Variants in LAMA1 observed in about 807,000 individuals in gnomAD.
LAMA1 encodes the protein laminin subunit alpha-1.
Under a neutral mutation model 348.7 loss-of-function variants are expected in LAMA1, and 219 were observed. The observed-to-expected ratio is 0.63, with a 90% confidence interval of 0.56 to 0.70. The LOEUF is 0.70. LAMA1 is among the 30% of genes least tolerant of loss of function. The probability of loss-of-function intolerance (pLI) is 0.00; values close to 1 mark genes in which losing one functional copy is unlikely to be tolerated. For missense variants in LAMA1, 3,744 were observed against 3,888.0 expected (o/e 0.96, Z 0.99); for synonymous variants, 1,487 against 1,491.0 (o/e 1.00, Z 0.06).
intron 3 of LAMA1, among the ~76,000 whole-genome samples, chr18:7,053,917 T>G (rs899060146): frequency 6.6e-6 from 1 of 151,836 alleles, no homozygotes; most frequent in African/African-American, 2.4e-5. Context: ...CAGAGTGGCA[T>G]GCAGCACCAC....
intron 52 of LAMA1, 84 bp from the exon 53 acceptor site, chr18:6,961,843 A>G: frequency 1.9e-6 from 3 of 1,578,126 alleles, no homozygotes; most frequent in South Asian, 1.1e-5. Flanking sequence ...TGATTTCCCC[A>G]TCATCTCTTT....
At chr18:6,949,379 C>T (rs769507167) in intron 58 of LAMA1, 120 bp from the exon 59 acceptor site, 16 of 1,004,188 alleles carry the variant, frequency 1.6e-5, no homozygotes, top group Non-Finnish European at 2.3e-5. Context: ...GAATGCAATG[C>T]TAAAGGAAGG....
In LAMA1 at chr18:6,999,541, G is replaced by C; in HGVS notation, c.4567C>G (p.Arg1523Gly). 6.2e-7 allele frequency: 1 copy of C among 1,614,078 alleles called. No individual in the cohort carries two copies. The highest frequency in any genetic ancestry group is 8.5e-7 in the Non-Finnish European group (1 of 1,180,004). The change falls in exon 32 of 63, where the codon CGC becomes GGC. Residue 1523 changes from arginine (R) to glycine (G), a missense_variant. Around this residue, in one of 3 missense-constraint regions of LAMA1, gnomAD observed 1,983 missense variants for 1,934.3 expected, o/e 1.03. Coordinates refer to ENST00000389658, the MANE Select transcript of LAMA1 (RefSeq NM_005559.4). Reference sequence around the variant, plus strand: ...CTGCAAACGCACTGCCCAGATGTGCGGTCACAGTCACCGTGGACAGAGCCG... The same window carrying C: ...CTGCAAACGCACTGCCCAGATGTGCCGTCACAGTCACCGTGGACAGAGCCG... ...PHGSVHGDCD[R>G]TSGQCVCRLG...
chr18:7,063,994 G>T (rs1299937747), intron 3 of LAMA1, among the ~76,000 whole-genome samples: 1 of 151,988 alleles, frequency 6.6e-6, no homozygotes, highest in African/African-American at 2.4e-5. Context: ...GGTTAAAATG[G>T]CTCCCACTGC....
chr18:7,067,286 T>C (rs2058126360), intron 3 of LAMA1, among the ~76,000 whole-genome samples: 1 of 150,918 alleles, frequency 6.6e-6, no homozygotes, highest in South Asian at 2.1e-4. Context: ...AGTGGATAAA[T>C]AAATGTTGCT....
At chr18:7,033,487 A>G (rs1248259336) in intron 14 of LAMA1, among the ~76,000 whole-genome samples, 1 of 151,938 alleles carries the variant, frequency 6.6e-6, no homozygotes, top group Non-Finnish European at 1.5e-5. Flanking sequence ...AATCCAATAA[A>G]AGGGTGATGT....
intron 1 of LAMA1, among the ~76,000 whole-genome samples, chr18:7,095,767 T>C (rs539369250): frequency 3.7e-4 from 57 of 152,358 alleles, no homozygotes; most frequent in African/African-American, 1.2e-3. Context: ...TCCAGTTAAA[T>C]AGCTTGAAAA....
chr18:7,000,134 A>C, intron 30 of LAMA1, 137 bp from the exon 31 acceptor site: 1 of 675,674 alleles, frequency 1.5e-6, no homozygotes, highest in South Asian at 1.7e-5. Flanking sequence ...TAGAGCTTAC[A>C]ATCTACCTGG....
At chr18:7,006,279 C>T (rs559110168) in intron 29 of LAMA1, among the ~76,000 whole-genome samples, 9 of 152,220 alleles carry the variant, frequency 5.9e-5, no homozygotes, top group South Asian at 2.1e-4. Flanking sequence ...CATGTGTCCC[C>T]GAGACCAATC....
Position 6,971,977 on chromosome 18 carries a change from G to C in LAMA1, c.6779C>G (p.Ser2260Cys), listed in dbSNP as rs146652610. 1.9e-6 allele frequency: 3 copies of C among 1,613,962 alleles called. No homozygotes were observed. Among genetic ancestry groups the C allele is most frequent in the Non-Finnish European group, 2.5e-6 (3 of 1,179,996 alleles). Reference protein sequence around the residue: ...VGGLGGQIKKSPAVKVTHFKG... With the variant: ...VGGLGGQIKKCPAVKVTHFKG... ...AAAATGAGTAACCTTCACAGCAGGA[G>C]ATTTCTAATGCAAACAAGCAAACAA... is the stretch of plus-strand genomic sequence containing the variant. Residue 2260 changes from serine to cysteine, a missense_variant, in exon 48 of 63, where the codon TCT becomes TGT. By Grantham distance (112) the Ser-to-Cys change is moderately radical. Transcript: ENST00000389658.
At chr18:7,039,014 A>G in intron 10 of LAMA1, 64 bp from the exon 11 acceptor site, 1 of 1,373,300 alleles carries the variant, frequency 7.3e-7, no homozygotes, top group South Asian at 1.2e-5. Flanking sequence ...GAATAAAATG[A>G]CATTAACAAG....
intron 1 of LAMA1, among the ~76,000 whole-genome samples, chr18:7,085,645 C>G (rs1229447933): frequency 6.6e-6 from 1 of 152,070 alleles, no homozygotes; most frequent in Non-Finnish European, 1.5e-5. Flanking sequence ...GTCTCGATCT[C>G]CTGACTTCCT....
At chr18:7,032,428 G>T (rs1388227864) in intron 15 of LAMA1, among the ~76,000 whole-genome samples, 1 of 152,134 alleles carries the variant, frequency 6.6e-6, no homozygotes, top group Non-Finnish European at 1.5e-5. Context: ...AAAACGTAAT[G>T]GTTGTGCAAT....
At chr18:7,074,255 A>C (rs950959688) in intron 3 of LAMA1, among the ~76,000 whole-genome samples, 2 of 152,166 alleles carry the variant, frequency 1.3e-5, no homozygotes, top group Non-Finnish European at 2.9e-5. Context: ...TCAATATAGC[A>C]ATCCTAATGG....
chr18:7,056,472 A>C (rs901043372), intron 3 of LAMA1, among the ~76,000 whole-genome samples: 6 of 152,200 alleles, frequency 3.9e-5, no homozygotes, highest in Admixed American at 1.3e-4. Context: ...CAACCCCATT[A>C]TTGTTTTTGT....
rs776158943 is a variant in LAMA1 at position 7,011,308 on chromosome 18, C to T, written c.3679G>A (p.Gly1227Arg). 1.2e-4 allele frequency: 189 copies of T among 1,610,248 alleles called. No individual in the cohort carries two copies. Among genetic ancestry groups the T allele is most frequent in the Non-Finnish European group, 1.6e-4 (185 of 1,178,996 alleles). ...FYWRLPQQFQGDQLMAYGGKL... is the reference protein window; with the variant it reads ...FYWRLPQQFQRDQLMAYGGKL... ...CTGGGCGTGCACCTCACCTGGTCTCCTTGGAACTGCTGCGGCAGCCGCCAG... is the reference window on the plus strand; with the variant it reads ...CTGGGCGTGCACCTCACCTGGTCTCTTTGGAACTGCTGCGGCAGCCGCCAG... The change falls in exon 25 of 63, where the codon GGA (glycine) becomes AGA (arginine). Residue 1227 changes from glycine to arginine, a missense_variant. By Grantham distance (125) the Gly-to-Arg change is moderately radical. This residue lies in a region of LAMA1 where 1,529 missense variants were observed against 1,689.4 expected (regional missense o/e 0.91). Coordinates refer to ENST00000389658, the MANE Select transcript of LAMA1 (RefSeq NM_005559.4).
intron 1 of LAMA1, among the ~76,000 whole-genome samples, chr18:7,097,613 T>G (rs1221443135): frequency 6.6e-6 from 1 of 151,386 alleles, no homozygotes; most frequent in Non-Finnish European, 1.5e-5. Context: ...TGACTTACAC[T>G]ACCTATTTCA....
chr18:6,956,696 C>T lies in LAMA1; in HGVS notation c.8034G>A (p.Arg2678=). The T allele has an allele frequency of 6.2e-7, 1 of 1,614,220 alleles. No homozygotes were observed. The highest frequency in any genetic ancestry group is 8.5e-7 in the Non-Finnish European group (1 of 1,180,050). ...CCTCTGCATCGGGAGCCAGCTTAGG[C>T]CTTTCTGACAGCCAGCAGGTGTCCA... ...VDLDTCWLSE[R]PKLAPDAEDS... Residue 2678 remains arginine (R), a synonymous_variant, in exon 56 of 63, where the codon AGG becomes AGA. Transcript: ENST00000389658.
chr18:6,948,240 A>T (rs1270844237), intron 60 of LAMA1, among the ~76,000 whole-genome samples, 163 bp downstream of exon 60: 3 of 152,226 alleles, frequency 2.0e-5, no homozygotes, highest in Non-Finnish European at 4.4e-5. Flanking sequence ...AGACCTGAGA[A>T]GGCTTTTTAC....
Sources: allele counts gnomAD v4.1 joint callset (sites outside exome capture counted in the v4.1 genomes callset), GRCh38; gene constraint gnomAD v4.1.1; regional missense constraint gnomAD v4.1.1; transcripts MANE v1.5; gene names NCBI Gene and HGNC (gene_info 2026-07-23, HGNC 2026-07-21).